BIN2: variants seen among roughly 807,000 people sequenced by gnomAD.
BIN2 encodes the protein breast cancer associated protein BRAP1.
BIN2 carries 43 observed loss-of-function variants against 67.9 expected under a neutral mutation model. The ratio of observed to expected loss-of-function variants is 0.63; its 90% CI spans 0.50 to 0.82. The LOEUF is 0.82. Ranked by LOEUF, BIN2 falls within the 40% of genes least tolerant of loss-of-function variation. The pLI, the probability that BIN2 is intolerant of heterozygous loss-of-function variation, is 0.00. For synonymous variants in BIN2, 244 were observed against 246.8 expected (o/e 0.99, Z 0.11); for missense variants, 581 against 671.6 (o/e 0.87, Z 1.49).
At chr12:51,320,239 C>T (rs1233828245) in intron 1 of BIN2, among the ~76,000 whole-genome samples, 3 of 152,184 alleles carry the variant, frequency 2.0e-5, no homozygotes, top group African/African-American at 7.2e-5. Context: ...AGCCTGGTCT[C>T]GAACTCCTGA....
chr12:51,281,283 G>T lies in BIN2; in HGVS notation c.*216C>A. The T allele has an allele frequency of 1.7e-6, 1 of 584,550 alleles. No homozygotes were observed. The allele number at this position is 584,550 out of a possible 1,614,324, so 36.2% of individuals were successfully genotyped here. A position where few individuals can be genotyped will look rare whatever the true frequency, so the allele number is the denominator to read the frequency against. The stretch of plus-strand genomic sequence containing the variant: ...CTAAAACCAGAATTAAATATTCCCT[G>T]AGTCTAATGTTCTCTTCTCCCCAGC... On this transcript the variant is annotated 3_prime_UTR_variant, in exon 13 of 13. Coordinates refer to ENST00000615107, the MANE Select transcript of BIN2 (RefSeq NM_016293.4).
intron 2 of BIN2, among the ~76,000 whole-genome samples, chr12:51,310,028 T>A (rs1270786710): frequency 6.6e-6 from 1 of 152,206 alleles, no homozygotes; most frequent in Admixed American, 6.6e-5. Flanking sequence ...AAGCTGAGTT[T>A]AAGTCTAAAT....
intron 11 of BIN2, among the ~76,000 whole-genome samples, chr12:51,285,252 T>A (rs1945206434): frequency 1.3e-5 from 2 of 152,006 alleles, no homozygotes; most frequent in South Asian, 4.2e-4. Flanking sequence ...TTGGGAAAAA[T>A]TTTAGGTTCT....
chr12:51,292,581 C>T (rs1443374067), intron 9 of BIN2, among the ~76,000 whole-genome samples: 3 of 152,100 alleles, frequency 2.0e-5, no homozygotes, highest in African/African-American at 7.2e-5. Flanking sequence ...AGAAACACTG[C>T]AAAATGTCGC....
At chr12:51,314,809 A>AG (rs199567466) in intron 1 of BIN2, among the ~76,000 whole-genome samples, 1,878 of 152,060 alleles carry the variant, frequency 0.012, 32 homozygotes, top group African/African-American at 0.042. Context: ...CAAAAAAAAA[A>AG]AAAGAAAGAA....
chr12:51,296,491 C>T (rs956811830), intron 8 of BIN2, among the ~76,000 whole-genome samples: 1 of 148,424 alleles, frequency 6.7e-6, no homozygotes, highest in Non-Finnish European at 1.5e-5. Context: ...AGCAAGACTC[C>T]GTCTCAAAAA....
At chr12:51,288,012 A>G (rs1945283472) in intron 11 of BIN2, 96 bp downstream of exon 11, 4 of 834,554 alleles carry the variant, frequency 4.8e-6, no homozygotes, top group Non-Finnish European at 7.7e-6. Flanking sequence ...TCAAGACTGA[A>G]GGCCTCTGAA....
intron 1 of BIN2, chr12:51,322,449 T>C (rs959941636): frequency 6.6e-6 from 1 of 152,270 alleles, no homozygotes; most frequent in African/African-American, 2.4e-5. Context: ...GAGTGTGGTG[T>C]GGTGTGATCA....
chr12:51,302,613 G>C, intron 4 of BIN2, 73 bp downstream of exon 4: 2 of 1,273,022 alleles, frequency 1.6e-6, no homozygotes, highest in South Asian at 1.2e-5. Context: ...TTCTTGGATA[G>C]AGAAGCTAAG....
At chr12:51,297,037 A>G in intron 8 of BIN2, 52 bp downstream of exon 8, 1 of 1,492,086 alleles carries the variant, frequency 6.7e-7, no homozygotes, top group Non-Finnish European at 9.3e-7. Flanking sequence ...GGCTACCTTC[A>G]TATTTACTAG....
In BIN2 at chr12:51,288,183, A is replaced by T; in HGVS notation, c.1521T>A (p.Ala507=). ...TCTTCTTTGCCTCTCCAGGCTCTGA[A>T]GCAACCTGTGAATCAAAGTGAACAA... is the stretch of plus-strand genomic sequence containing the variant. ...TSPTLMTSQV[A]SEPGEAKKME... is the part of the protein sequence containing the mutation. Residue 507 remains alanine (A), a synonymous_variant, in exon 11 of 13, where the codon GCT becomes GCA. Coordinates refer to ENST00000615107, the MANE Select transcript of BIN2 (RefSeq NM_016293.4). 6.2e-7 allele frequency: 1 copy of T among 1,613,770 alleles called. No individual in the cohort carries two copies. The highest frequency in any genetic ancestry group is 1.1e-5 in the South Asian group (1 of 91,074).
chr12:51,288,631 G>A (rs1360829170), intron 10 of BIN2, among the ~76,000 whole-genome samples: 1 of 152,058 alleles, frequency 6.6e-6, no homozygotes, highest in African/African-American at 2.4e-5. Flanking sequence ...AAAAGTCCCA[G>A]GCACACTGTA....
At chr12:51,321,468 C>T (rs187597773) in intron 1 of BIN2, among the ~76,000 whole-genome samples, 132 of 151,502 alleles carry the variant, frequency 8.7e-4, no homozygotes, top group African/African-American at 3.1e-3. Context: ...GGCGCGATCT[C>T]GGCTCACGGC....
At chr12:51,315,174 AT>A (rs58775675) in intron 1 of BIN2, among the ~76,000 whole-genome samples, 17,978 of 146,112 alleles carry the variant, frequency 0.12, 1,185 homozygotes, top group African/African-American at 0.19. Context: ...TATTATTATT[AT>A]TTTTTTTTTT....
At chr12:51,291,035 G>C (rs1945367679) in intron 10 of BIN2, among the ~76,000 whole-genome samples, 1 of 152,120 alleles carries the variant, frequency 6.6e-6, no homozygotes, top group African/African-American at 2.4e-5. Context: ...TGTAATCCCA[G>C]CTACTCTGGA....
chr12:51,302,418 A>G, intron 4 of BIN2: 1 of 526,628 alleles, frequency 1.9e-6, no homozygotes, highest in South Asian at 2.3e-5. Context: ...GTTTTAAAAA[A>G]CAACCAATCT....
chr12:51,294,335 A>C (rs1159851812), intron 9 of BIN2, among the ~76,000 whole-genome samples: 1 of 152,276 alleles, frequency 6.6e-6, no homozygotes, highest in South Asian at 2.1e-4. Context: ...CTGGGAGGCC[A>C]AGGCGGGCGG....
intron 9 of BIN2, among the ~76,000 whole-genome samples, chr12:51,292,909 G>A (rs1015927494): frequency 6.6e-6 from 1 of 152,112 alleles, no homozygotes. Flanking sequence ...CCAAGCTGTA[G>A]TGCTAAGTGC....
At chr12:51,301,925 G>T in intron 5 of BIN2, 95 bp downstream of exon 5, 1 of 844,052 alleles carries the variant, frequency 1.2e-6, no homozygotes, top group East Asian at 2.6e-5. Context: ...ATTCTTAATC[G>T]TGAGTTCTAA....
Sources: allele counts gnomAD v4.1 joint callset (sites outside exome capture counted in the v4.1 genomes callset), GRCh38; gene constraint gnomAD v4.1.1; transcripts MANE v1.5; gene names NCBI Gene and HGNC (gene_info 2026-07-23, HGNC 2026-07-21).